The following EDA variants were observed in gnomAD, a reference collection of about 807,000 sequenced individuals.
The protein encoded by EDA is ectodysplasin A, also known as ectodysplasin-A.
In EDA, 2 loss-of-function variants were observed where a neutral mutation model predicts 23.6. The observed-to-expected ratio is 0.08, with a 90% CI of 0.03 to 0.27. EDA has a LOEUF of 0.27. Ranked by LOEUF, EDA falls within the 10% of genes least tolerant of loss-of-function variation. The pLI is 1.00. For synonymous variants in EDA, 131 were observed against 132.0 expected (o/e 0.99, Z 0.05); for missense variants, 229 against 324.2 (o/e 0.71, Z 2.26).
chrX:69,806,523 G>A (rs922270614), intron 1 of EDA, among the ~76,000 whole-genome samples: 9 of 110,905 alleles, frequency 8.1e-5, no homozygotes, highest in African/African-American at 2.6e-4. Context: ...ACACTGATGT[G>A]GGGAAACAAA....
At chrX:69,817,215 G>A (rs1435912754) in intron 1 of EDA, among the ~76,000 whole-genome samples, 3 of 111,696 alleles carry the variant, frequency 2.7e-5, no homozygotes, top group Non-Finnish European at 3.8e-5. Flanking sequence ...AGCTCCTGAA[G>A]AAAGCACAGA....
chrX:69,771,073 A>G (rs768387202), intron 1 of EDA, among the ~76,000 whole-genome samples: 1 of 110,719 alleles, frequency 9.0e-6, no homozygotes, highest in Non-Finnish European at 1.9e-5. Context: ...TTATTTATTT[A>G]TTGAGACAGA....
At chrX:70,022,635 C>T (rs1014206559) in intron 2 of EDA, among the ~76,000 whole-genome samples, 4 of 111,298 alleles carry the variant, frequency 3.6e-5, no homozygotes, top group South Asian at 3.8e-4. Context: ...CACCCCCGGC[C>T]GACATTTCTT....
At chrX:70,028,104 A>T in intron 4 of EDA, 68 bp downstream of exon 4, 2 of 1,166,134 alleles carry the variant, frequency 1.7e-6, no homozygotes, top group Non-Finnish European at 1.1e-6. Flanking sequence ...GGAGTGGGTG[A>T]TCCTGAGAGC....
intron 2 of EDA, chrX:69,957,626 G>A (rs2019032590): frequency 8.6e-6 from 1 of 116,665 alleles, no homozygotes; most frequent in African/African-American, 3.3e-5. Context: ...AACTATACAA[G>A]GATCCTCCCT....
At chrX:69,622,540 A>G (rs1045376185) in intron 1 of EDA, among the ~76,000 whole-genome samples, 1 of 110,889 alleles carries the variant, frequency 9.0e-6, no homozygotes, top group African/African-American at 3.3e-5. Flanking sequence ...TTTTTTGCCC[A>G]TTTTTCTATT....
chrX:69,950,263 A>G (rs1190501320), intron 1 of EDA, among the ~76,000 whole-genome samples: 22 of 60,520 alleles, frequency 3.6e-4, no homozygotes, highest in Middle Eastern at 6.6e-3. Context: ...AAACAACCCC[A>G]TCAAAAAGTG....
At chrX:69,759,721 C>T (rs1189581862) in intron 1 of EDA, among the ~76,000 whole-genome samples, 1 of 110,844 alleles carries the variant, frequency 9.0e-6, no homozygotes, top group Non-Finnish European at 1.9e-5. Context: ...TGAAATGCTT[C>T]GAAACAAGTG....
At chrX:69,626,069 C>T (rs1020031908) in intron 1 of EDA, among the ~76,000 whole-genome samples, 3 of 111,032 alleles carry the variant, frequency 2.7e-5, no homozygotes, top group Non-Finnish European at 5.7e-5. Flanking sequence ...AAAACATGTT[C>T]GACATCATTA....
chrX:69,967,034 G>T (rs538862510), intron 2 of EDA, among the ~76,000 whole-genome samples: 17 of 109,597 alleles, frequency 1.6e-4, no homozygotes, highest in African/African-American at 5.3e-4. Flanking sequence ...AGTGAATATC[G>T]ATTACCTTGG....
chrX:69,753,195 C>T (rs776727237), intron 1 of EDA, among the ~76,000 whole-genome samples: 1 of 111,913 alleles, frequency 8.9e-6, no homozygotes, highest in Admixed American at 9.5e-5. Context: ...ATCTTTCCTG[C>T]TTTCTCCTGT....
intron 1 of EDA, among the ~76,000 whole-genome samples, chrX:69,642,560 G>T (rs903651506): frequency 9.1e-6 from 1 of 110,496 alleles, no homozygotes; most frequent in Non-Finnish European, 1.9e-5. Context: ...TGTCAAAATT[G>T]GTATAATATG....
intron 3 of EDA, 59 bp from the exon 4 acceptor site, chrX:70,027,797 TG>T: frequency 3.6e-6 from 2 of 550,113 alleles, no homozygotes; most frequent in Non-Finnish European, 6.3e-6. Flanking sequence ...AACTCCAGCC[TG>T]GGCAACAGAG....
At chrX:69,798,772 T>G (rs1029446051) in intron 1 of EDA, among the ~76,000 whole-genome samples, 5 of 110,207 alleles carry the variant, frequency 4.5e-5, no homozygotes, top group African/African-American at 9.9e-5. Flanking sequence ...AGGAAAGAAA[T>G]AAAGACCAGA....
chrX:69,662,678 A>G (rs1482317772), intron 1 of EDA, among the ~76,000 whole-genome samples: 2 of 112,462 alleles, frequency 1.8e-5, no homozygotes, highest in Admixed American at 1.9e-4. Flanking sequence ...GGAACAGTTT[A>G]GAGCACTCAG....
intron 1 of EDA, among the ~76,000 whole-genome samples, chrX:69,742,846 C>G (rs2013501170): frequency 9.0e-6 from 1 of 111,256 alleles, no homozygotes; most frequent in Admixed American, 9.5e-5. Context: ...GGTCACAGTC[C>G]TGTGCTACCT....
intron 2 of EDA, among the ~76,000 whole-genome samples, chrX:70,015,852 G>A (rs2019940299): frequency 9.0e-6 from 1 of 111,044 alleles, no homozygotes; most frequent in African/African-American, 3.3e-5. Flanking sequence ...ACAATGACAA[G>A]ATCAAATTTG....
At chrX:69,801,029 G>A (rs1256553719) in intron 1 of EDA, among the ~76,000 whole-genome samples, 1 of 111,809 alleles carries the variant, frequency 8.9e-6, no homozygotes, top group East Asian at 2.8e-4. Context: ...GGCCAGAGTA[G>A]ATCCTGACAC....
intron 1 of EDA, among the ~76,000 whole-genome samples, chrX:69,945,220 G>A (rs757614462): frequency 8.9e-6 from 1 of 111,917 alleles, no homozygotes; most frequent in Non-Finnish European, 1.9e-5. Context: ...GCAAGGGGAG[G>A]GGATGATCAC....
Sources: gnomAD v4.1 joint callset for allele counts (sites outside exome capture counted in the v4.1 genomes callset) on GRCh38, gnomAD v4.1.1 for gene constraint, MANE v1.5 for transcripts, NCBI Gene and HGNC (gene_info 2026-07-23, HGNC 2026-07-21) for gene names.